LUZP1: variants seen among roughly 807,000 people sequenced by gnomAD.
LUZP1 encodes filamin mechanobinding actin cross-linking protein.
Under a neutral mutation model 71.3 loss-of-function variants are expected in LUZP1, and 25 were observed. The observed-to-expected ratio is 0.35, with a 90% CI of 0.26 to 0.49. The LOEUF (loss-of-function observed/expected upper bound fraction) is 0.49. LUZP1 is among the 20% of genes least tolerant of loss of function. LUZP1 has a pLI of 0.99. For synonymous variants in LUZP1, 481 were observed against 506.4 expected, an observed-to-expected ratio of 0.95 and a Z score of 0.67; for missense variants, 1,142 against 1,300.8, an observed-to-expected ratio of 0.88 and a Z score of 1.88.
At chr1:23,166,702 A>G (rs1644512887) in intron 2 of LUZP1, among the ~76,000 whole-genome samples, 1 of 151,616 alleles carries the variant, frequency 6.6e-6, no homozygotes, top group South Asian at 2.1e-4. Context: ...CACCTCACAA[A>G]ATTCTTGGGA....
intron 2 of LUZP1, among the ~76,000 whole-genome samples, chr1:23,120,890 A>C (rs190789391): frequency 2.0e-5 from 3 of 152,310 alleles, no homozygotes; most frequent in Admixed American, 6.5e-5. Context: ...AGAAACAAGA[A>C]CACCACCATC....
At chr1:23,104,461 G>A (rs535803213) in intron 3 of LUZP1, among the ~76,000 whole-genome samples, 6 of 152,244 alleles carry the variant, frequency 3.9e-5, no homozygotes, top group Non-Finnish European at 7.4e-5. Flanking sequence ...TGGGATTACA[G>A]GTGTGAGCCA....
intron 2 of LUZP1, among the ~76,000 whole-genome samples, chr1:23,149,475 A>C (rs765670136): frequency 2.0e-5 from 3 of 152,170 alleles, no homozygotes; most frequent in Non-Finnish European, 4.4e-5. Context: ...ATAGTCAAAG[A>C]GGCTCAAGGA....
rs151183912 is a variant in LUZP1 at position 23,108,660 on chromosome 1, T to C, written c.-120+362A>G. Reference sequence around the variant, plus strand: ...ACCTAGTTCTACTACTTGTGTGAACTTGGAAGAGTTATTTAACCTCTTTAA... The same window carrying C: ...ACCTAGTTCTACTACTTGTGTGAACCTGGAAGAGTTATTTAACCTCTTTAA... On this transcript the variant is annotated intron_variant, in intron 3 of 4. Transcript: ENST00000302291. 4.6e-5 allele frequency among the ~76,000 whole-genome samples: 7 copies of C among 152,328 alleles called. No homozygotes were observed. The East Asian group carries it at 1.3e-3, about 29-fold the overall frequency.
intron 2 of LUZP1, among the ~76,000 whole-genome samples, chr1:23,111,947 C>T (rs1644038058): frequency 6.6e-6 from 1 of 152,148 alleles, no homozygotes. Flanking sequence ...ATAGCAGCGC[C>T]CCTGCTAAAA....
intron 2 of LUZP1, among the ~76,000 whole-genome samples, chr1:23,115,290 T>C (rs575438344): frequency 7.9e-5 from 12 of 152,142 alleles, no homozygotes; most frequent in Admixed American, 2.0e-4. Context: ...CAAAGGGACT[T>C]CTGAGACCTT....
At chr1:23,129,472 T>C (rs1025686392) in intron 2 of LUZP1, among the ~76,000 whole-genome samples, 2 of 152,078 alleles carry the variant, frequency 1.3e-5, no homozygotes, top group African/African-American at 2.4e-5. Flanking sequence ...TCCCAGCTAC[T>C]TGGGAGGCTG....
At chr1:23,142,638 A>G (rs1644312085) in intron 2 of LUZP1, among the ~76,000 whole-genome samples, 2 of 151,486 alleles carry the variant, frequency 1.3e-5, no homozygotes. Flanking sequence ...CTGGCTTCAT[A>G]CCTGAGGTGC....
At chr1:23,105,284 G>C (rs765803) in intron 3 of LUZP1, among the ~76,000 whole-genome samples, 1 of 152,144 alleles carries the variant, frequency 6.6e-6, no homozygotes, top group Non-Finnish European at 1.5e-5. Context: ...TTGCATGAAC[G>C]AATCTGATAG....
At chr1:23,124,145 G>C (rs536918895) in intron 2 of LUZP1, among the ~76,000 whole-genome samples, 1 of 152,260 alleles carries the variant, frequency 6.6e-6, no homozygotes, top group African/African-American at 2.4e-5. Flanking sequence ...GTGAGCAAGA[G>C]CAAATGGAAA....
chr1:23,097,826 A>G (rs1021061137), intron 3 of LUZP1, among the ~76,000 whole-genome samples: 1 of 152,184 alleles, frequency 6.6e-6, no homozygotes, highest in Non-Finnish European at 1.5e-5. Flanking sequence ...AGGGTGACAG[A>G]GCAAGACCCT....
chr1:23,141,863 GAGA>G (rs1644305962), intron 2 of LUZP1, among the ~76,000 whole-genome samples: 1 of 108,014 alleles, frequency 9.3e-6, no homozygotes, highest in African/African-American at 3.7e-5. Flanking sequence ...TTTTTTTTTT[GAGA>G]CAGTTTTGCT....
At chr1:23,158,143 T>C (rs886771695) in intron 2 of LUZP1, among the ~76,000 whole-genome samples, 14 of 152,302 alleles carry the variant, frequency 9.2e-5, no homozygotes, top group African/African-American at 3.1e-4. Flanking sequence ...TACTGAAAAG[T>C]AATGAAAAAC....
intron 2 of LUZP1, among the ~76,000 whole-genome samples, chr1:23,148,257 C>T (rs1021362878): frequency 1.3e-5 from 2 of 152,106 alleles, no homozygotes; most frequent in Non-Finnish European, 2.9e-5. Flanking sequence ...AATTCCATTT[C>T]TTGTCAGGGG....
At chr1:23,164,434 G>C (rs1291472853) in intron 2 of LUZP1, among the ~76,000 whole-genome samples, 2 of 151,592 alleles carry the variant, frequency 1.3e-5, no homozygotes, top group African/African-American at 4.9e-5. Context: ...GGAGCTTGCA[G>C]TGAGCCAAGA....
intron 2 of LUZP1, among the ~76,000 whole-genome samples, chr1:23,163,164 C>T (rs1002996293): frequency 7.0e-6 from 1 of 143,806 alleles, no homozygotes; most frequent in East Asian, 2.1e-4. Flanking sequence ...CGTTTGAACC[C>T]GGGAGGTGGA....
Position 23,091,189 on chromosome 1 carries a change from C to A in LUZP1, c.3072+1G>T. On this transcript the variant is annotated splice_donor_variant, in intron 4 of 4. Coordinates refer to ENST00000302291, the Ensembl canonical transcript of LUZP1. LOFTEE classifies it high-confidence loss of function. ...GAGAGGGGAGAGAGGCTGGAACTCA[C>A]CATGCTTGCTGAGTGGTTCCAGGCT... is the stretch of plus-strand genomic sequence containing the variant. 6.3e-7 allele frequency: 1 copy of A among 1,598,974 alleles called. No homozygotes were observed. Among genetic ancestry groups the A allele is most frequent in the South Asian group, 1.1e-5 (1 of 88,590 alleles).
At chr1:23,153,011 T>C (rs1189492674) in intron 2 of LUZP1, among the ~76,000 whole-genome samples, 1 of 152,198 alleles carries the variant, frequency 6.6e-6, no homozygotes, top group Non-Finnish European at 1.5e-5. Context: ...ATTCCTTAAC[T>C]GGCTTCCTTT....
In LUZP1 at chr1:23,093,201, T is replaced by G; in HGVS notation, c.1061A>C (p.Glu354Ala). ...ATCTTCCCCTTCTACCTCTCCATTT[T>G]CTAACTCTTTCTGTTTCTTGATTTG... The change falls in exon 4 of 5, where the codon GAA (glutamate) becomes GCA (alanine). Residue 354 changes from glutamate to alanine, a missense_variant. Glu to Ala is a moderately radical substitution (Grantham distance 107). Transcript: ENST00000302291. The surrounding 1 kb of genome is among the most constrained non-coding windows in gnomAD (Gnocchi z 4.2). 1 of 1,614,186 alleles carries G rather than the reference T, an allele frequency of 6.2e-7. No homozygotes were observed. The highest frequency in any genetic ancestry group is 8.5e-7 in the Non-Finnish European group (1 of 1,180,024).
Sources: allele counts gnomAD v4.1 joint callset (sites outside exome capture counted in the v4.1 genomes callset), GRCh38; gene constraint gnomAD v4.1.1; non-coding constraint Gnocchi (gnomAD v3.1); transcripts MANE v1.5; gene names NCBI Gene and HGNC (gene_info 2026-07-23, HGNC 2026-07-21).